The following SASH1 variants were observed in gnomAD, a reference collection of about 807,000 sequenced individuals.
The protein encoded by SASH1 is SAM and SH3 domain containing 1, also known as SAM and SH3 domain-containing protein 1.
Under a neutral mutation model 125.2 loss-of-function variants are expected in SASH1, and 44 were observed. That is an observed-to-expected ratio of 0.35 (90% CI 0.28 to 0.45). The LOEUF (loss-of-function observed/expected upper bound fraction) is 0.45. Among genes scored for constraint, SASH1 ranks in the 20% least tolerant of loss-of-function variants. The pLI, the probability that SASH1 is intolerant of heterozygous loss-of-function variation, is 1.00. For synonymous variants in SASH1, 639 were observed against 649.1 expected (o/e 0.98, Z 0.24); for missense variants, 1,426 against 1,614.5 (o/e 0.88, Z 2.00).
chr6:148,201,846 T>C, the SASH1 span, among the ~76,000 whole-genome samples: 2 of 152,226 alleles, frequency 1.3e-5, no homozygotes, highest in African/African-American at 2.4e-5. Flanking sequence ...GGGATGTGCT[T>C]GAACATAAAG....
At chr6:148,467,559 A>T (rs1777905381) in intron 4 of SASH1, among the ~76,000 whole-genome samples, 1 of 152,188 alleles carries the variant, frequency 6.6e-6, no homozygotes, top group Admixed American at 6.5e-5. Context: ...CGATGCCCAG[A>T]CATGTATTGA....
chr6:148,298,475 G>GT (rs1337835821), intron 1 of SASH1, among the ~76,000 whole-genome samples: 4 of 152,102 alleles, frequency 2.6e-5, no homozygotes, highest in South Asian at 2.1e-4. Flanking sequence ...ACAAAAGAAT[G>GT]TTTTTTAACA....
chr6:148,456,487 C>G (rs1198761373), intron 4 of SASH1, among the ~76,000 whole-genome samples: 1 of 152,200 alleles, frequency 6.6e-6, no homozygotes, highest in Non-Finnish European at 1.5e-5. Context: ...ATATTTATTA[C>G]ACATATGCAG....
At chr6:148,364,686 C>T (rs1044764652) in intron 1 of SASH1, among the ~76,000 whole-genome samples, 3 of 152,020 alleles carry the variant, frequency 2.0e-5, no homozygotes, top group African/African-American at 4.8e-5. Context: ...GGTTCTGCCA[C>T]GGGAAATGGG....
chr6:148,523,044 C>T (rs1780910408), intron 10 of SASH1, among the ~76,000 whole-genome samples: 1 of 152,150 alleles, frequency 6.6e-6, no homozygotes, highest in Non-Finnish European at 1.5e-5. Context: ...TTCAGTTTTT[C>T]ATTTTAGAAA....
intron 4 of SASH1, among the ~76,000 whole-genome samples, chr6:148,444,106 G>A (rs1262504373): frequency 3.9e-5 from 6 of 152,208 alleles, no homozygotes; most frequent in Non-Finnish European, 7.3e-5. Flanking sequence ...AGGAGGCAGC[G>A]TGGAAGCTGA....
At chr6:148,330,842 T>C (rs1780975478) in intron 1 of SASH1, among the ~76,000 whole-genome samples, 1 of 152,218 alleles carries the variant, frequency 6.6e-6, no homozygotes, top group South Asian at 2.1e-4. Context: ...AGCCTCGGCC[T>C]CCCAAAGTGC....
At chr6:148,284,696 C>T (rs1484279261) in intron 1 of SASH1, among the ~76,000 whole-genome samples, 1 of 152,148 alleles carries the variant, frequency 6.6e-6, no homozygotes, top group Non-Finnish European at 1.5e-5. Flanking sequence ...GTTTTGAAGT[C>T]TGTATAATAT....
chr6:148,227,243 A>T, the SASH1 span, among the ~76,000 whole-genome samples: 2 of 152,178 alleles, frequency 1.3e-5, no homozygotes, highest in Non-Finnish European at 2.9e-5. Context: ...TCTCTCCTCC[A>T]TTAGAAGGTA....
In SASH1 at chr6:148,531,529, T is replaced by C. The variant is rs1324654928; in HGVS notation, c.1432T>C (p.Ser478Pro). 2 of 1,529,124 alleles carry C rather than the reference T, an allele frequency of 1.3e-6. No homozygotes were observed. 94.7% of individuals were successfully genotyped at this position (1,529,124 alleles called of 1,614,324 possible). A position where few individuals can be genotyped will look rare whatever the true frequency, so the allele number is the denominator to read the frequency against. The change falls in exon 13 of 20, where the codon TCG (serine) becomes CCG (proline). Residue 478 changes from serine (S) to proline (P), a missense_variant. By Grantham distance (74) the Ser-to-Pro change is moderately conservative (BLOSUM62 -1). Transcript: ENST00000367467. ...ATTTTGTTGAAACCCATGGCAGGACTCGGGCCTTGATGGAATGCCTGGCTC... is the reference window on the plus strand; with the variant it reads ...ATTTTGTTGAAACCCATGGCAGGACCCGGGCCTTGATGGAATGCCTGGCTC... ...KYSSSVSEQD[S>P]GLDGMPGSPP...
intron 4 of SASH1, among the ~76,000 whole-genome samples, chr6:148,465,323 G>A (rs537374354): frequency 2.0e-5 from 3 of 152,084 alleles, no homozygotes; most frequent in South Asian, 2.1e-4. Context: ...AGGCCGAGGC[G>A]GGCAAATCAC....
At chr6:148,338,426 C>CAAA (rs5880773), upstream of SASH1, among the ~76,000 whole-genome samples, 75 of 133,058 alleles carry the variant, frequency 5.6e-4, no homozygotes, top group Admixed American at 1.4e-3. Flanking sequence ...GACTCCATCT[C>CAAA]AAAAAAAAAA....
chr6:148,244,924 GTGTGTGTA>G, the SASH1 span, among the ~76,000 whole-genome samples: 975 of 139,384 alleles, frequency 7.0e-3, 13 homozygotes, highest in African/African-American at 0.024. Flanking sequence ...GTGTGTGTGT[GTGTGTGTA>G]TGTGTGTGTG....
chr6:148,411,015 T>C (rs1263152641), intron 2 of SASH1, among the ~76,000 whole-genome samples: 2 of 151,790 alleles, frequency 1.3e-5, no homozygotes, highest in African/African-American at 4.8e-5. Context: ...CAAAATTAGC[T>C]GGGCATGGTG....
rs764541810 is a variant in SASH1 at position 148,343,142 on chromosome 6, G to GGAGCCGGAACCGGAGCCC, written c.76_93dup (p.Glu26_Pro31dup). The stretch of plus-strand genomic sequence containing the variant: ...CCGAGCCGGAGCCCGAGCCCGCGCC[G>GGAGCCGGAACCGGAGCCC]GAGCCGGAACCGGAGCCCAAGCCGG... On this transcript the variant is annotated inframe_insertion, in exon 1 of 20. Transcript: ENST00000367467. 6.9e-6 allele frequency: 11 copies of GGAGCCGGAACCGGAGCCC among 1,597,972 alleles called. No homozygotes were observed. The highest frequency in any genetic ancestry group is 1.7e-5 in the Admixed American group (1 of 59,806).
chr6:148,502,032 C>T (rs527557990), intron 8 of SASH1, among the ~76,000 whole-genome samples: 1 of 152,244 alleles, frequency 6.6e-6, no homozygotes, highest in African/African-American at 2.4e-5. Context: ...AAGCCTTTGC[C>T]CCAAAGGAAT....
intron 1 of SASH1, among the ~76,000 whole-genome samples, chr6:148,277,061 A>T (rs1779205162): frequency 1.3e-5 from 2 of 152,220 alleles, no homozygotes; most frequent in Non-Finnish European, 1.5e-5. Flanking sequence ...ACACATAAAA[A>T]TCCCTATTTT....
the SASH1 span, among the ~76,000 whole-genome samples, chr6:148,229,758 G>A: frequency 8.0e-6 from 1 of 125,040 alleles, no homozygotes; most frequent in Admixed American, 1.0e-4. Flanking sequence ...GTCTTGCTCT[G>A]TCGCCTAGGC....
intron 1 of SASH1, among the ~76,000 whole-genome samples, chr6:148,376,346 G>A (rs1203638484): frequency 6.6e-6 from 1 of 152,162 alleles, no homozygotes; most frequent in Non-Finnish European, 1.5e-5. Flanking sequence ...TGGGATTAGA[G>A]GAGTGAGCCA....
Sources: allele counts gnomAD v4.1 joint callset (sites outside exome capture counted in the v4.1 genomes callset), GRCh38; gene constraint gnomAD v4.1.1; transcripts MANE v1.5; gene names NCBI Gene and HGNC (gene_info 2026-07-23, HGNC 2026-07-21).